Variants in HIPK2 observed in about 807,000 individuals in gnomAD.
HIPK2 encodes homeodomain-interacting protein kinase 2.
A neutral mutation model predicts 113.7 loss-of-function variants in HIPK2; 27 were observed. The ratio of observed to expected loss-of-function variants is 0.24; its 90% confidence interval spans 0.17 to 0.33. HIPK2 has a LOEUF of 0.33. Among genes scored for constraint, HIPK2 ranks in the 10% least tolerant of loss-of-function variants. HIPK2 has a pLI of 1.00. For synonymous variants in HIPK2, 631 were observed against 642.2 expected (o/e 0.98, Z 0.26); for missense variants, 1,257 against 1,588.0 (o/e 0.79, Z 3.54).
chr7:139,682,187 C>T (rs1802726282), intron 2 of HIPK2, among the ~76,000 whole-genome samples: 2 of 152,176 alleles, frequency 1.3e-5, no homozygotes, highest in African/African-American at 4.8e-5. Context: ...TCAATATTCA[C>T]GACAGGCAAG....
At chr7:139,771,310 T>C (rs548846975) in intron 1 of HIPK2, among the ~76,000 whole-genome samples, 2 of 152,158 alleles carry the variant, frequency 1.3e-5, no homozygotes, top group African/African-American at 4.8e-5. Context: ...TGCATTCTGT[T>C]TGTCAGATCT....
chr7:139,742,659 T>C (rs1049636633), intron 1 of HIPK2, among the ~76,000 whole-genome samples: 12 of 152,220 alleles, frequency 7.9e-5, no homozygotes, highest in Admixed American at 5.2e-4. Flanking sequence ...GCAGATTTTC[T>C]GAGGGTAGAA....
chr7:139,574,541 C>T (rs1398662482), intron 14 of HIPK2, among the ~76,000 whole-genome samples: 1 of 152,222 alleles, frequency 6.6e-6, no homozygotes, highest in Admixed American at 6.5e-5. Flanking sequence ...ACAAACACCC[C>T]ATTTATCTCA....
intron 9 of HIPK2, among the ~76,000 whole-genome samples, chr7:139,608,252 C>CGTGTGTGTGTGTGTGTGTGTGT (rs55989071): frequency 2.2e-5 from 3 of 136,964 alleles, no homozygotes; most frequent in Admixed American, 7.6e-5. Flanking sequence ...CAAAAAAATA[C>CGTGTGTGTGTGTGTGTGTGTGT]GTGTGTGTGT....
rs1798756451 is a variant in HIPK2, at chr7:139,584,029, C to A, written c.2753G>T (p.Cys918Phe). The change falls in exon 13 of 15, where the codon TGT becomes TTT. Residue 918 changes from cysteine (C) to phenylalanine (F), a missense_variant. Cys to Phe is a radical substitution (Grantham distance 205). Around this residue, in one of 5 missense-constraint regions of HIPK2, gnomAD observed 862 missense variants for 1,004.3 expected, o/e 0.86. Coordinates refer to ENST00000406875, the MANE Select transcript of HIPK2 (RefSeq NM_022740.5). ...GTAGGGGGAGTCGTGGACTGTGACA[C>A]AGCTGATGACGTTTTTTCTTTGCTT... is the stretch of plus-strand genomic sequence containing the variant. ...VSKQRKNVIS[C>F]VTVHDSPYSD... 1.2e-6 allele frequency: 2 copies of A among 1,606,206 alleles called. No individual in the cohort carries two copies. Among genetic ancestry groups the A allele is most frequent in the African/African-American group, 1.3e-5 (1 of 74,754 alleles).
At chr7:139,593,385 C>T (rs1165523958) in intron 12 of HIPK2, among the ~76,000 whole-genome samples, 3 of 152,228 alleles carry the variant, frequency 2.0e-5, no homozygotes, top group Admixed American at 2.0e-4. Flanking sequence ...TCAGTGTCTC[C>T]CAGCATCTGC....
At chr7:139,771,774 G>A (rs1228963529) in intron 1 of HIPK2, among the ~76,000 whole-genome samples, 1 of 152,184 alleles carries the variant, frequency 6.6e-6, no homozygotes, top group Non-Finnish European at 1.5e-5. Context: ...GTTCAGAAGA[G>A]AGAAAGGAGA....
chr7:139,741,355 C>T (rs1585445695), intron 1 of HIPK2, among the ~76,000 whole-genome samples: 1 of 152,166 alleles, frequency 6.6e-6, no homozygotes, highest in Non-Finnish European at 1.5e-5. Context: ...CCTCTTCTTT[C>T]ACTCTGGACC....
chr7:139,642,080 C>T (rs1309035755), intron 2 of HIPK2, among the ~76,000 whole-genome samples: 1 of 152,170 alleles, frequency 6.6e-6, no homozygotes, highest in Non-Finnish European at 1.5e-5. Flanking sequence ...TTTATAATCA[C>T]TGGTATTATA....
intron 1 of HIPK2, among the ~76,000 whole-genome samples, chr7:139,755,782 G>A (rs1291042387): frequency 2.6e-5 from 4 of 152,242 alleles, no homozygotes; most frequent in African/African-American, 9.6e-5. Flanking sequence ...GAGGGCTTCG[G>A]TACGGTGTCC....
At chr7:139,653,162 A>C (rs1801526855) in intron 2 of HIPK2, among the ~76,000 whole-genome samples, 3 of 131,332 alleles carry the variant, frequency 2.3e-5, no homozygotes, top group Admixed American at 2.3e-4. Flanking sequence ...AAAAAAAAAA[A>C]CTGTTCAGGA....
In HIPK2 at chr7:139,571,266, GGA is replaced by G. The variant is rs1217918437; in HGVS notation, c.*1659_*1660del. 2 of 151,658 alleles carry G rather than the reference GGA, an allele frequency of 1.3e-5. No homozygotes were observed. The highest frequency in any genetic ancestry group is 2.1e-4 in the South Asian group (1 of 4,826). The allele number at this position is 151,658 out of a possible 1,614,324, so 9.4% of individuals were successfully genotyped here. Reference sequence around the variant, plus strand: ...GAGCAAAACAGCCCAGGGAGCCGGAGGAGAGAGTGGAGCCCCGGGCGAGGCTG... The same window carrying G: ...GAGCAAAACAGCCCAGGGAGCCGGAGGAGAGTGGAGCCCCGGGCGAGGCTG... On this transcript the variant is annotated 3_prime_UTR_variant, in exon 15 of 15. Coordinates refer to ENST00000406875, the MANE Select transcript of HIPK2 (RefSeq NM_022740.5).
chr7:139,616,630 C>A (rs1289423438), intron 7 of HIPK2, among the ~76,000 whole-genome samples: 1 of 152,216 alleles, frequency 6.6e-6, no homozygotes, highest in Admixed American at 6.5e-5. Context: ...CATTGTGAAA[C>A]CCTTTCAGAC....
At chr7:139,655,908 G>T (rs1267323158) in intron 2 of HIPK2, among the ~76,000 whole-genome samples, 1 of 152,118 alleles carries the variant, frequency 6.6e-6, no homozygotes, top group Non-Finnish European at 1.5e-5. Context: ...TGCCAGGGAA[G>T]CTGGAAAGGC....
At chr7:139,647,119 G>GT (rs3047860) in intron 2 of HIPK2, among the ~76,000 whole-genome samples, 7,357 of 142,382 alleles carry the variant, frequency 0.052, 315 homozygotes, top group African/African-American at 0.12. Flanking sequence ...TGCACTGATA[G>GT]TTTTTTTTTT....
chr7:139,621,924 G>GAAAAA (rs765904905), intron 6 of HIPK2, among the ~76,000 whole-genome samples: 2 of 84,034 alleles, frequency 2.4e-5, no homozygotes, highest in Non-Finnish European at 2.4e-5. Context: ...CCCTGTCTCA[G>GAAAAA]GAAAAAAAAA....
At chr7:139,724,647 C>T (rs1346338151) in intron 1 of HIPK2, among the ~76,000 whole-genome samples, 2 of 151,250 alleles carry the variant, frequency 1.3e-5, no homozygotes, top group Non-Finnish European at 2.9e-5. Flanking sequence ...CGTCATTTAG[C>T]ATTAGGTATA....
chr7:139,614,549 T>A, intron 7 of HIPK2, 56 bp from the exon 8 acceptor site: 499 of 429,092 alleles, frequency 1.2e-3, no homozygotes, highest in Non-Finnish European at 1.7e-3. Flanking sequence ...ATGAGGGAGG[T>A]GGCATGTTGG....
At chr7:139,684,538 G>A (rs1794158340) in intron 2 of HIPK2, among the ~76,000 whole-genome samples, 1 of 152,178 alleles carries the variant, frequency 6.6e-6, no homozygotes. Context: ...ATGACACAGT[G>A]AGACCCTATC....
Sources: allele counts gnomAD v4.1 joint callset (sites outside exome capture counted in the v4.1 genomes callset), GRCh38; gene constraint gnomAD v4.1.1; regional missense constraint gnomAD v4.1.1; transcripts MANE v1.5; gene names NCBI Gene and HGNC (gene_info 2026-07-23, HGNC 2026-07-21).